The following PCSK2 variants were observed in gnomAD, a reference collection of about 807,000 sequenced individuals.
PCSK2 encodes proprotein convertase subtilisin/kexin type 2.
PCSK2 carries 14 observed loss-of-function variants against 69.7 expected under a neutral mutation model. That is an observed-to-expected ratio of 0.20 (90% CI 0.13 to 0.31). PCSK2 has a LOEUF of 0.31. PCSK2 is among the 10% of genes least tolerant of loss of function. The pLI, the probability that PCSK2 is intolerant of heterozygous loss-of-function variation, is 1.00. For synonymous variants in PCSK2, 307 were observed against 320.7 expected, an observed-to-expected ratio of 0.96 and a Z score of 0.46; for missense variants, 544 against 842.5, an observed-to-expected ratio of 0.65 and a Z score of 4.39.
intron 2 of PCSK2, among the ~76,000 whole-genome samples, chr20:17,353,919 T>C (rs144588223): frequency 6.6e-6 from 1 of 151,594 alleles, no homozygotes; most frequent in African/African-American, 2.4e-5. Context: ...ATACCAGGAG[T>C]CCTCACTTAT....
At position 17,250,775 on chromosome 20, in the gene PCSK2, C is replaced by T. The variant is rs149061686; in HGVS notation, c.178-9465C>T. ...TCCTCTGATACCCACTGGCACTTAACAACTCCAAATTTTCTTTCTAGTGTT... is the reference window on the plus strand; with the variant it reads ...TCCTCTGATACCCACTGGCACTTAATAACTCCAAATTTTCTTTCTAGTGTT... On this transcript the variant is annotated intron_variant, in intron 1 of 11. Transcript: ENST00000262545. Among the ~76,000 whole-genome samples the T allele has an allele frequency of 1.3e-3, 201 of 152,238 alleles. 1 individual carries two copies. Among genetic ancestry groups the T allele is most frequent in the Non-Finnish European group, 2.4e-3 (161 of 68,004 alleles).
intron 4 of PCSK2, among the ~76,000 whole-genome samples, chr20:17,361,112 C>G (rs1053023212): frequency 7.2e-5 from 11 of 152,170 alleles, no homozygotes; most frequent in Middle Eastern, 3.2e-3. Flanking sequence ...TTCTTGATAT[C>G]CACATGGGGC....
intron 11 of PCSK2, among the ~76,000 whole-genome samples, chr20:17,474,705 C>T (rs190266593): frequency 6.6e-6 from 1 of 152,260 alleles, no homozygotes; most frequent in African/African-American, 2.4e-5. Flanking sequence ...CCTTGTTGTT[C>T]TGCCAGTGAG....
chr20:17,402,907 A>G (rs62201040), intron 5 of PCSK2, among the ~76,000 whole-genome samples: 12,902 of 150,912 alleles, frequency 0.085, 621 homozygotes, highest in Middle Eastern at 0.23. Context: ...CAGTGAGCCA[A>G]GATCACGCCA....
intron 2 of PCSK2, among the ~76,000 whole-genome samples, chr20:17,312,827 T>C (rs2123114902): frequency 6.6e-6 from 1 of 152,272 alleles, no homozygotes; most frequent in South Asian, 2.1e-4. Context: ...ATAGAGCAGA[T>C]AAACTCTGTG....
At chr20:17,240,424 A>G (rs1911878496) in intron 1 of PCSK2, among the ~76,000 whole-genome samples, 1 of 152,096 alleles carries the variant, frequency 6.6e-6, no homozygotes, top group Non-Finnish European at 1.5e-5. Flanking sequence ...CTCCTGGGGA[A>G]CTTCAAATCT....
chr20:17,311,001 C>CA (rs113825389), intron 2 of PCSK2, among the ~76,000 whole-genome samples: 13,332 of 112,382 alleles, frequency 0.12, 1,403 homozygotes, highest in East Asian at 0.54. Flanking sequence ...GACTCCGTCT[C>CA]AAAAAAAAAA....
chr20:17,261,758 T>C (rs567926725), intron 2 of PCSK2, among the ~76,000 whole-genome samples: 2 of 151,994 alleles, frequency 1.3e-5, no homozygotes, highest in Non-Finnish European at 2.9e-5. Flanking sequence ...TAGACAAAGA[T>C]CACCCTGGTG....
At chr20:17,334,610 G>A (rs1415395744) in intron 2 of PCSK2, among the ~76,000 whole-genome samples, 1 of 152,112 alleles carries the variant, frequency 6.6e-6, no homozygotes, top group Admixed American at 6.5e-5. Context: ...CAGAGAAACT[G>A]GTGGTAAAGT....
At chr20:17,449,018 T>C (rs726592) in intron 8 of PCSK2, among the ~76,000 whole-genome samples, 124,437 of 151,654 alleles carry the variant, frequency 0.82, 51,508 homozygotes, top group African/African-American at 0.9. Flanking sequence ...TAGGTGTGCC[T>C]CACCACGCCA....
intron 2 of PCSK2, among the ~76,000 whole-genome samples, chr20:17,305,169 A>T (rs985306784): frequency 6.6e-6 from 1 of 152,254 alleles, no homozygotes; most frequent in Non-Finnish European, 1.5e-5. Context: ...AATGTTAGGC[A>T]AGAAAATGTT....
intron 1 of PCSK2, among the ~76,000 whole-genome samples, chr20:17,248,175 G>GGTGTGTGTGTGTGTGTGT (rs10640964): frequency 6.9e-6 from 1 of 144,372 alleles, no homozygotes; most frequent in African/African-American, 2.6e-5. Flanking sequence ...TATAAAAAAG[G>GGTGTGTGTGTGTGTGTGT]GTGTGTGTGT....
intron 2 of PCSK2, among the ~76,000 whole-genome samples, chr20:17,290,743 C>T (rs1217315454): frequency 6.6e-6 from 1 of 152,062 alleles, no homozygotes; most frequent in Non-Finnish European, 1.5e-5. Context: ...ATACCAAAGA[C>T]TATGTAATAA....
chr20:17,429,282 T>G (rs2032315488), intron 6 of PCSK2, among the ~76,000 whole-genome samples, 153 bp from the exon 7 acceptor site: 1 of 152,156 alleles, frequency 6.6e-6, no homozygotes, highest in Non-Finnish European at 1.5e-5. Context: ...TCACAGAACT[T>G]TAACACAAGG....
In PCSK2 at chr20:17,463,107, T is replaced by C. The variant is rs564947224; in HGVS notation, c.1203-2219T>C. Among the ~76,000 whole-genome samples the C allele has an allele frequency of 4.7e-5, 7 of 150,044 alleles. No individual in the cohort carries two copies. The South Asian group carries it at 1.3e-3, about 29-fold the overall frequency. ...TATCTCAAAAGTGAAAAGTTCCTTG[T>C]TCTGAAACATTATTTCTCTCTCTCT... On this transcript the variant is annotated intron_variant, in intron 10 of 11. Transcript: ENST00000262545.
intron 1 of PCSK2, among the ~76,000 whole-genome samples, 153 bp downstream of exon 1, chr20:17,227,635 T>C (rs2122920357): frequency 6.6e-6 from 1 of 152,334 alleles, no homozygotes; most frequent in Middle Eastern, 3.4e-3. Context: ...TTGCCTCCGG[T>C]GATCTTTCAC....
intron 5 of PCSK2, among the ~76,000 whole-genome samples, chr20:17,385,739 G>C (rs1460306641): frequency 2.0e-5 from 3 of 152,182 alleles, no homozygotes; most frequent in Admixed American, 6.5e-5. Flanking sequence ...AGGGGAGCAG[G>C]GGAGTGAAAA....
intron 2 of PCSK2, among the ~76,000 whole-genome samples, chr20:17,324,415 T>C (rs898461768): frequency 6.6e-6 from 1 of 152,104 alleles, no homozygotes; most frequent in Non-Finnish European, 1.5e-5. Context: ...GGTTCTTAGG[T>C]TTAACAACAG....
intron 2 of PCSK2, among the ~76,000 whole-genome samples, chr20:17,283,390 A>T (rs1370658519): frequency 5.9e-5 from 9 of 152,136 alleles, no homozygotes. Context: ...GATGTCTAGG[A>T]TTTGCATGAT....
Sources: gnomAD v4.1 joint callset for allele counts (sites outside exome capture counted in the v4.1 genomes callset) on GRCh38, gnomAD v4.1.1 for gene constraint, MANE v1.5 for transcripts, NCBI Gene and HGNC (gene_info 2026-07-23, HGNC 2026-07-21) for gene names.